The following NCAPD3 variants were observed in gnomAD, a reference collection of about 807,000 sequenced individuals.
The protein encoded by NCAPD3 is non-SMC condensin II complex subunit D3.
In NCAPD3, 105 loss-of-function variants were observed where a neutral mutation model predicts 182.9. That is an observed-to-expected ratio of 0.57 (90% CI 0.49 to 0.68). The LOEUF is 0.68. Among genes scored for constraint, NCAPD3 ranks in the 30% least tolerant of loss-of-function variants. NCAPD3 has a pLI of 0.00. For missense variants in NCAPD3, 1,944 were observed against 1,837.0 expected, an observed-to-expected ratio of 1.06 and a Z score of -1.07; for synonymous variants, 815 against 679.9, an observed-to-expected ratio of 1.20 and a Z score of -3.09.
At chr11:134,189,497 A>G (rs931431994) in intron 16 of NCAPD3, among the ~76,000 whole-genome samples, 2 of 152,180 alleles carry the variant, frequency 1.3e-5, no homozygotes, top group African/African-American at 4.8e-5. Flanking sequence ...AAATCTTCCA[A>G]TTCACTGGTC....
In NCAPD3 at chr11:134,157,049, G is replaced by T. The variant is rs35943668; in HGVS notation, c.4221C>A (p.His1407Gln). ...LEQESNGEIEHVTKRAISTPE... is the reference protein window; with the variant it reads ...LEQESNGEIEQVTKRAISTPE... ...GGGTGCTGATGGCCCGCTTGGTCAC[G>T]TGCTCAATCTCGCCATTCGACTCTT... is the stretch of plus-strand genomic sequence containing the variant. Residue 1407 changes from histidine (H) to glutamine (Q), a missense_variant, in exon 32 of 35, where the codon CAC becomes CAA. This residue lies in a region of NCAPD3 where 1,803 missense variants were observed against 1,674.6 expected (regional missense o/e 1.08). Coordinates refer to ENST00000534548, the MANE Select transcript of NCAPD3 (RefSeq NM_015261.3). 20,321 of 1,613,574 alleles carry T rather than the reference G, an allele frequency of 0.013. 132 individuals carry two copies. Among genetic ancestry groups the T allele is most frequent in the Non-Finnish European group, 0.015 (17,485 of 1,179,726 alleles).
chr11:134,185,049 G>T, intron 17 of NCAPD3, 49 bp from the exon 18 acceptor site: 2 of 1,407,986 alleles, frequency 1.4e-6, no homozygotes, highest in Non-Finnish European at 1.0e-6. Flanking sequence ...GTTAAACACT[G>T]CTGCCAACAA....
At chr11:134,169,081 G>C in intron 24 of NCAPD3, 27 bp from the exon 25 acceptor site, 1 of 1,607,010 alleles carries the variant, frequency 6.2e-7, no homozygotes, top group Non-Finnish European at 8.5e-7. Flanking sequence ...AACAAAGAGG[G>C]AGACCCATTT....
In NCAPD3 at chr11:134,161,834, C is replaced by A. The variant is rs777745472; in HGVS notation, c.3631G>T (p.Val1211Leu). The A allele has an allele frequency of 5.0e-6, 8 of 1,595,324 alleles. No homozygotes were observed. The African/African-American group carries it at 6.7e-5, about 13-fold the overall frequency. ...GCTGGGATCTTATTTTTCTCCAGCACAGTCTTCAGGGAGATGATAATTGGA... is the reference window on the plus strand; with the variant it reads ...GCTGGGATCTTATTTTTCTCCAGCAAAGTCTTCAGGGAGATGATAATTGGA... ...IIPIIISLKT[V>L]LEKNKIPALR... The change falls in exon 28 of 35, where the codon GTG (valine) becomes TTG (leucine). Residue 1211 changes from valine to leucine, a missense_variant. Around this residue, in one of 3 missense-constraint regions of NCAPD3, gnomAD observed 1,803 missense variants for 1,674.6 expected, o/e 1.08. Coordinates refer to ENST00000534548, the MANE Select transcript of NCAPD3 (RefSeq NM_015261.3).
chr11:134,161,321 CAAAG>C (rs1338876435), intron 28 of NCAPD3, among the ~76,000 whole-genome samples: 1 of 152,182 alleles, frequency 6.6e-6, no homozygotes, highest in Non-Finnish European at 1.5e-5. Flanking sequence ...CCTTGCTTGA[CAAAG>C]AATTCAGCCT....
chr11:134,160,239 T>C (rs1943540289), intron 28 of NCAPD3, among the ~76,000 whole-genome samples, 165 bp from the exon 29 acceptor site: 2 of 152,310 alleles, frequency 1.3e-5, no homozygotes, highest in Non-Finnish European at 2.9e-5. Context: ...CCAAGTCATG[T>C]TGCTTGATAA....
intron 27 of NCAPD3, 114 bp downstream of exon 27, chr11:134,167,882 G>T: frequency 9.7e-7 from 1 of 1,027,084 alleles, no homozygotes. Flanking sequence ...GCTTGGGGGA[G>T]GTGCACACTC....
intron 24 of NCAPD3, among the ~76,000 whole-genome samples, chr11:134,174,517 C>T (rs931307345): frequency 6.6e-5 from 10 of 151,074 alleles, no homozygotes; most frequent in African/African-American, 1.7e-4. Context: ...ATATACACAC[C>T]ACACACTCTC....
chr11:134,217,005 C>T lies in NCAPD3; in HGVS notation c.313G>A (p.Val105Ile), dbSNP rs918744352. ...CCATATTCTCGATACTGTACACTGA[C>T]ATTCTTCTTATGAACTATTTGAACA... ...HFVQIVHKKN[V>I]SVQYREYGLH... The change falls in exon 3 of 35, where the codon GTC becomes ATC. Residue 105 changes from valine to isoleucine, a missense_variant. By Grantham distance (29) the Val-to-Ile change is conservative. Around this residue, in one of 3 missense-constraint regions of NCAPD3, gnomAD observed 131 missense variants for 133.9 expected, o/e 0.98. Coordinates refer to ENST00000534548, the MANE Select transcript of NCAPD3 (RefSeq NM_015261.3). 2.5e-6 allele frequency: 4 copies of T among 1,613,908 alleles called. No individual in the cohort carries two copies. In the African/African-American group the frequency reaches 4.0e-5, roughly 16 times the overall value.
intron 3 of NCAPD3, among the ~76,000 whole-genome samples, chr11:134,213,921 T>C (rs1180484112): frequency 6.6e-6 from 1 of 152,098 alleles, no homozygotes; most frequent in Non-Finnish European, 1.5e-5. Context: ...TTTCACAATA[T>C]CTTAAGTTAA....
At chr11:134,223,724 C>T (rs1422495991) in intron 1 of NCAPD3, 139 bp downstream of exon 1, 2 of 1,007,864 alleles carry the variant, frequency 2.0e-6, no homozygotes, top group African/African-American at 1.6e-5. Flanking sequence ...CGTGGCACGG[C>T]CCTGGGGACC....
At chr11:134,178,500 T>A in intron 22 of NCAPD3, 134 bp downstream of exon 22, 1 of 652,418 alleles carries the variant, frequency 1.5e-6, no homozygotes. Flanking sequence ...CAGAGCCACC[T>A]CTAGGAACCA....
intron 3 of NCAPD3, among the ~76,000 whole-genome samples, chr11:134,213,122 G>T (rs773633048): frequency 1.3e-4 from 20 of 152,166 alleles, no homozygotes. Flanking sequence ...GAGGCCAAGA[G>T]ATTGCGACCA....
chr11:134,195,561 CTA>C (rs1591849494), intron 13 of NCAPD3, among the ~76,000 whole-genome samples: 2 of 151,930 alleles, frequency 1.3e-5, no homozygotes, highest in African/African-American at 4.8e-5. Flanking sequence ...TAAAAAATAA[CTA>C]TATTTTCCAA....
intron 15 of NCAPD3, among the ~76,000 whole-genome samples, chr11:134,193,516 G>A (rs1944564874): frequency 6.6e-6 from 1 of 152,198 alleles, no homozygotes; most frequent in Non-Finnish European, 1.5e-5. Context: ...ACTTTGGGAG[G>A]CCAAGGCAGG....
rs138836990 is a variant in NCAPD3, at chr11:134,207,475, C to T, written c.883-743G>A. Reference sequence around the variant, plus strand: ...ATTAAAAAAAAATACCGACTGGGCGCAGTGGCTCACGCCTGTAATTCCAGC... The same window carrying T: ...ATTAAAAAAAAATACCGACTGGGCGTAGTGGCTCACGCCTGTAATTCCAGC... On this transcript the variant is annotated intron_variant, in intron 7 of 34. Transcript: ENST00000534548. Among the ~76,000 whole-genome samples the T allele has an allele frequency of 6.0e-3, 916 of 152,166 alleles. 4 individuals carry two copies. The highest frequency in any genetic ancestry group is 0.021 in the African/African-American group (879 of 41,536).
In NCAPD3 at chr11:134,223,846, C is replaced by T. The variant is rs1252732318; in HGVS notation, c.64+17G>A. 6.2e-7 allele frequency: 1 copy of T among 1,610,886 alleles called. No homozygotes were observed. The highest frequency in any genetic ancestry group is 1.3e-5 in the African/African-American group (1 of 74,914). On this transcript the variant is annotated intron_variant, in intron 1 of 34. Coordinates refer to ENST00000534548, the MANE Select transcript of NCAPD3 (RefSeq NM_015261.3). ...CCCTCGCCCTGGCCCCCGGGCCTCCCGGCTGCATCTGCTCACCGAGTCTAA... is the reference window on the plus strand; with the variant it reads ...CCCTCGCCCTGGCCCCCGGGCCTCCTGGCTGCATCTGCTCACCGAGTCTAA...
At chr11:134,176,748 A>T (rs1207248182) in intron 23 of NCAPD3, among the ~76,000 whole-genome samples, 1 of 152,256 alleles carries the variant, frequency 6.6e-6, no homozygotes, top group African/African-American at 2.4e-5. Flanking sequence ...CTCAGTGTGT[A>T]TAAAAATATC....
At chr11:134,211,206 T>C (rs1052588897) in intron 3 of NCAPD3, among the ~76,000 whole-genome samples, 1 of 152,206 alleles carries the variant, frequency 6.6e-6, no homozygotes, top group Middle Eastern at 3.2e-3. Context: ...CGATATAGCA[T>C]AAAGGCTACT....
Sources: allele counts gnomAD v4.1 joint callset (sites outside exome capture counted in the v4.1 genomes callset), GRCh38; gene constraint gnomAD v4.1.1; regional missense constraint gnomAD v4.1.1; transcripts MANE v1.5; gene names NCBI Gene and HGNC (gene_info 2026-07-23, HGNC 2026-07-21).